The following CDC123 variants were observed in gnomAD, a reference collection of about 807,000 sequenced individuals.
CDC123 encodes cell division cycle 123, also known as translation initiation factor eIF2 assembly protein.
In CDC123, 37 loss-of-function variants were observed where a neutral mutation model predicts 54.4. That is an observed-to-expected ratio of 0.68 (90% CI 0.52 to 0.89). The LOEUF is 0.89. Ranked by LOEUF, CDC123 falls within the 40% of genes least tolerant of loss-of-function variation. The pLI is 0.00. For synonymous variants in CDC123, 144 were observed against 136.8 expected (o/e 1.05, Z -0.37); for missense variants, 361 against 412.1 (o/e 0.88, Z 1.07).
At chr10:12,247,609 T>G (rs535057342) in intron 11 of CDC123, 2 of 152,408 alleles carry the variant, frequency 1.3e-5, no homozygotes, top group South Asian at 4.1e-4. Flanking sequence ...TCCATCCGGA[T>G]TTAGTCATGC....
At chr10:12,239,511 G>T (rs1046303835) in intron 10 of CDC123, among the ~76,000 whole-genome samples, 1 of 151,860 alleles carries the variant, frequency 6.6e-6, no homozygotes, top group Non-Finnish European at 1.5e-5. Context: ...TCGGGAGTTC[G>T]AAACCCACCT....
At chr10:12,244,550 C>T (rs1026954700) in intron 10 of CDC123, among the ~76,000 whole-genome samples, 1 of 152,192 alleles carries the variant, frequency 6.6e-6, no homozygotes, top group Non-Finnish European at 1.5e-5. Flanking sequence ...GTGACCTTTC[C>T]CTGAGGAGAG....
intron 4 of CDC123, among the ~76,000 whole-genome samples, chr10:12,215,300 A>G (rs979739257): frequency 2.6e-5 from 4 of 152,216 alleles, no homozygotes; most frequent in South Asian, 2.1e-4. Flanking sequence ...GGGGAATACC[A>G]TATGGCTAAG....
rs1651560614 is a variant in CDC123 at position 12,217,588 on chromosome 10, C to G, written c.440+121C>G. On this transcript the variant is annotated intron_variant, in intron 6 of 12. Transcript: ENST00000281141. The stretch of plus-strand genomic sequence containing the variant: ...ATAGCTCCATATAACAAAGCTATTT[C>G]ATATTGCCAAAATGACCTGTTAAAG... 5 of 961,266 alleles carry G rather than the reference C, an allele frequency of 5.2e-6. No individual in the cohort carries two copies. The South Asian group carries it at 1.2e-4, about 23-fold the overall frequency. The allele number at this position is 961,266 out of a possible 1,614,324, so 59.5% of individuals were successfully genotyped here.
At chr10:12,217,045 G>T (rs905718566) in intron 5 of CDC123, among the ~76,000 whole-genome samples, 2 of 152,118 alleles carry the variant, frequency 1.3e-5, no homozygotes, top group Non-Finnish European at 2.9e-5. Context: ...TAATCTTGTA[G>T]CCAAAATGTC....
chr10:12,206,873 G>A (rs1340928471), intron 2 of CDC123, among the ~76,000 whole-genome samples: 2 of 151,008 alleles, frequency 1.3e-5, no homozygotes, highest in Non-Finnish European at 1.5e-5. Flanking sequence ...GCAGGAGAAT[G>A]GCCTGAACCC....
chr10:12,204,809 A>G (rs1835494517), intron 2 of CDC123, among the ~76,000 whole-genome samples: 1 of 152,136 alleles, frequency 6.6e-6, no homozygotes, highest in East Asian at 1.9e-4. Context: ...CTGGCCCAAC[A>G]TGGTGAAACC....
At chr10:12,200,313 G>A (rs1056299701) in intron 2 of CDC123, among the ~76,000 whole-genome samples, 1 of 150,538 alleles carries the variant, frequency 6.6e-6, no homozygotes, top group African/African-American at 2.4e-5. Context: ...TTTTAGTAGG[G>A]ATGGGGTTTC....
intron 6 of CDC123, among the ~76,000 whole-genome samples, chr10:12,219,539 G>C (rs1835705982): frequency 6.6e-6 from 1 of 152,110 alleles, no homozygotes; most frequent in African/African-American, 2.4e-5. Context: ...GTAACCAGTA[G>C]TATTTTCATT....
chr10:12,205,901 C>T lies in CDC123; in HGVS notation c.147-4066C>T, dbSNP rs573603229. Among the ~76,000 whole-genome samples, 43 of 152,094 alleles carry T rather than the reference C, an allele frequency of 2.8e-4. 1 individual carries two copies. The South Asian group carries it at 5.8e-3, about 21-fold the overall frequency. ...GCAACCTCTGCCTACCGGGTTCAAG[C>T]GATTCCCTTGCCTCAGCCTCCTGAG... On this transcript the variant is annotated intron_variant, in intron 2 of 12. Transcript: ENST00000281141.
chr10:12,234,177 C>A (rs1328527775), intron 7 of CDC123, among the ~76,000 whole-genome samples: 4 of 152,326 alleles, frequency 2.6e-5, no homozygotes, highest in Admixed American at 2.0e-4. Context: ...TCACTGCAAC[C>A]TCCGCTTCCT....
chr10:12,214,854 C>T lies in CDC123; in HGVS notation c.238-886C>T, dbSNP rs186138345. Among the ~76,000 whole-genome samples, 188 of 152,022 alleles carry T rather than the reference C, an allele frequency of 1.2e-3. 2 individuals carry two copies. Among genetic ancestry groups the T allele is most frequent in the Admixed American group, 0.012 (186 of 15,274 alleles). ...GATTTTTTCAGAACTTATAGTTGCC[C>T]GATAGGGGGCAGCAATCCTCTTTAC... On this transcript the variant is annotated intron_variant, in intron 4 of 12. Coordinates refer to ENST00000281141, the MANE Select transcript of CDC123 (RefSeq NM_006023.3).
intron 6 of CDC123, among the ~76,000 whole-genome samples, chr10:12,219,425 A>C (rs1474427226): frequency 1.3e-5 from 2 of 151,814 alleles, no homozygotes; most frequent in Admixed American, 6.6e-5. Flanking sequence ...CTGGTCTCAA[A>C]CTCCTGGTCT....
intron 10 of CDC123, chr10:12,244,641 CTTTTTTCT>C (rs1395556295): frequency 3.3e-5 from 4 of 119,938 alleles, no homozygotes; most frequent in African/African-American, 6.3e-5. Context: ...TTTTTTTTTT[CTTTTTTCT>C]TTTTTTTTTT....
At chr10:12,215,900 C>G (rs768844949) in intron 5 of CDC123, 65 bp downstream of exon 5, 1 of 1,012,840 alleles carries the variant, frequency 9.9e-7, no homozygotes, top group Non-Finnish European at 1.5e-6. Context: ...TATTTCATTT[C>G]ATATCCCTAC....
intron 2 of CDC123, among the ~76,000 whole-genome samples, chr10:12,207,498 T>G (rs550984338): frequency 1.3e-5 from 2 of 152,322 alleles, no homozygotes; most frequent in Admixed American, 6.5e-5. Flanking sequence ...TTTTGTCTGT[T>G]TTCTAATCAT....
chr10:12,248,507 G>A (rs1285009069), intron 11 of CDC123, among the ~76,000 whole-genome samples: 4 of 136,080 alleles, frequency 2.9e-5, no homozygotes, highest in East Asian at 2.2e-4. Flanking sequence ...GCGGGACTCC[G>A]TCTCAAAAAA....
intron 6 of CDC123, among the ~76,000 whole-genome samples, chr10:12,222,252 G>GA (rs1289236718): frequency 6.6e-6 from 1 of 152,212 alleles, no homozygotes; most frequent in African/African-American, 2.4e-5. Context: ...ATGTACTCTA[G>GA]AAAATACTGC....
At chr10:12,247,862 G>T (rs1254732354) in intron 11 of CDC123, 1 of 152,158 alleles carries the variant, frequency 6.6e-6, no homozygotes, top group Non-Finnish European at 1.5e-5. Context: ...AAATTAGCCG[G>T]GCGTGGTGGC....
Sources: gnomAD v4.1 joint callset for allele counts (sites outside exome capture counted in the v4.1 genomes callset) on GRCh38, gnomAD v4.1.1 for gene constraint, MANE v1.5 for transcripts, NCBI Gene and HGNC (gene_info 2026-07-23, HGNC 2026-07-21) for gene names.